PTPRT: variants seen among roughly 807,000 people sequenced by gnomAD.
PTPRT encodes the protein protein tyrosine phosphatase receptor type T.
A neutral mutation model predicts 176.8 loss-of-function variants in PTPRT; 56 were observed. The ratio of observed to expected loss-of-function variants is 0.32; its 90% CI spans 0.26 to 0.40. The LOEUF (loss-of-function observed/expected upper bound fraction) is 0.40, where lower values mean the gene tolerates loss of function less well. PTPRT is among the 10% of genes least tolerant of loss of function. The pLI, the probability that PTPRT is intolerant of heterozygous loss-of-function variation, is 1.00. For missense variants in PTPRT, 1,540 were observed against 1,908.2 expected (o/e 0.81, Z 3.60); for synonymous variants, 783 against 739.0 (o/e 1.06, Z -0.96).
intron 7 of PTPRT, among the ~76,000 whole-genome samples, chr20:42,527,299 A>G (rs1438193267): frequency 6.6e-6 from 1 of 151,884 alleles, no homozygotes; most frequent in Non-Finnish European, 1.5e-5. Flanking sequence ...TCCTTCCTTG[A>G]TTCTCCATGG....
At chr20:42,631,459 G>C (rs2074403660) in intron 7 of PTPRT, among the ~76,000 whole-genome samples, 1 of 152,130 alleles carries the variant, frequency 6.6e-6, no homozygotes. Context: ...GACTCTGAGA[G>C]TTTAGCATGT....
At chr20:42,261,813 C>G (rs958724990) in intron 13 of PTPRT, among the ~76,000 whole-genome samples, 14 of 152,184 alleles carry the variant, frequency 9.2e-5, no homozygotes, top group African/African-American at 3.4e-4. Flanking sequence ...TAAGGGGTGA[C>G]TGTATTACCT....
intron 16 of PTPRT, among the ~76,000 whole-genome samples, chr20:42,199,005 G>A (rs937241378): frequency 1.3e-5 from 2 of 152,108 alleles, no homozygotes; most frequent in Non-Finnish European, 2.9e-5. Flanking sequence ...AAGCAGTTAG[G>A]ATGACTTGCT....
Position 43,008,481 on chromosome 20 carries a change from A to T in PTPRT, c.89-122549T>A, listed in dbSNP as rs60595327. 2.9e-3 allele frequency among the ~76,000 whole-genome samples: 441 copies of T among 152,298 alleles called. 6 individuals carry two copies. The highest frequency in any genetic ancestry group is 0.01 in the African/African-American group (431 of 41,572). ...GGAGGGCCTTGCCTGACTTGTGATC[A>T]GGAGTTTGAGACGAGGCTGGCCATC... On this transcript the variant is annotated intron_variant, in intron 1 of 30. Transcript: ENST00000373187.
intron 7 of PTPRT, among the ~76,000 whole-genome samples, chr20:42,647,438 A>G (rs2074932214): frequency 6.6e-6 from 1 of 152,144 alleles, no homozygotes; most frequent in African/African-American, 2.4e-5. Context: ...TCAACAGCCC[A>G]GAGCTCCTCT....
At chr20:42,635,133 C>A (rs2074566360) in intron 7 of PTPRT, among the ~76,000 whole-genome samples, 2 of 152,084 alleles carry the variant, frequency 1.3e-5, no homozygotes, top group African/African-American at 4.8e-5. Context: ...GAAAGGCAAG[C>A]ATCCTCTTGG....
intron 7 of PTPRT, among the ~76,000 whole-genome samples, chr20:42,657,865 T>G (rs548377916): frequency 6.6e-6 from 1 of 152,204 alleles, no homozygotes; most frequent in Non-Finnish European, 1.5e-5. Context: ...ACCTCACCAG[T>G]TTCTTCATTA....
At chr20:42,577,266 T>TA (rs949798337) in intron 7 of PTPRT, among the ~76,000 whole-genome samples, 5 of 152,134 alleles carry the variant, frequency 3.3e-5, no homozygotes, top group African/African-American at 1.2e-4. Context: ...CAACTAGCAT[T>TA]AAAAAGATTC....
chr20:42,597,406 T>C (rs145085365), intron 7 of PTPRT, among the ~76,000 whole-genome samples: 10 of 152,316 alleles, frequency 6.6e-5, no homozygotes, highest in African/African-American at 2.2e-4. Flanking sequence ...TTTGGATCTG[T>C]GTCCCCGCCC....
intron 7 of PTPRT, among the ~76,000 whole-genome samples, chr20:42,521,555 T>G (rs1283325833): frequency 6.6e-6 from 1 of 152,196 alleles, no homozygotes; most frequent in Admixed American, 6.5e-5. Flanking sequence ...AATACTGTAC[T>G]TTTTTCCATA....
In PTPRT at chr20:42,488,007, T is replaced by C. The variant is rs376334370; in HGVS notation, c.1154-15445A>G. On this transcript the variant is annotated intron_variant, in intron 7 of 30. Transcript: ENST00000373187. ...TTTTAATTATGTAGATTGGAATGTGTTCTAGCTCGTTTACCTTTTTGTCAC... is the reference window on the plus strand; with the variant it reads ...TTTTAATTATGTAGATTGGAATGTGCTCTAGCTCGTTTACCTTTTTGTCAC... 9.2e-5 allele frequency among the ~76,000 whole-genome samples: 14 copies of C among 152,340 alleles called. No individual in the cohort carries two copies. In the East Asian group the frequency reaches 1.5e-3, roughly 17 times the overall value.
chr20:42,040,542 T>C, the PTPRT span, among the ~76,000 whole-genome samples: 2 of 152,138 alleles, frequency 1.3e-5, no homozygotes, highest in Non-Finnish European at 2.9e-5. Flanking sequence ...TCCCTCACCA[T>C]CCAGATAGGA....
At chr20:42,848,608 C>T (rs6030525) in intron 2 of PTPRT, among the ~76,000 whole-genome samples, 7,426 of 152,124 alleles carry the variant, frequency 0.049, 610 homozygotes, top group African/African-American at 0.17. Context: ...TGTTTGTTGG[C>T]CATTTGTATA....
chr20:42,951,823 C>T (rs900791940), intron 1 of PTPRT, among the ~76,000 whole-genome samples: 3 of 152,166 alleles, frequency 2.0e-5, no homozygotes, highest in African/African-American at 7.2e-5. Context: ...CAGCCACTTA[C>T]ACGCTGTGTA....
At chr20:42,086,967 TGA>T (rs2146129371) in intron 27 of PTPRT, among the ~76,000 whole-genome samples, 1 of 151,232 alleles carries the variant, frequency 6.6e-6, no homozygotes, top group Admixed American at 6.6e-5. Context: ...AACCTACAGC[TGA>T]GAGCAAAAGG....
intron 5 of PTPRT, among the ~76,000 whole-genome samples, chr20:42,757,076 A>AT (rs2076845272): frequency 6.9e-6 from 1 of 144,454 alleles, no homozygotes; most frequent in Non-Finnish European, 1.5e-5. Context: ...AAAAAAAAAA[A>AT]GGGCAGGAGT....
intron 6 of PTPRT, among the ~76,000 whole-genome samples, chr20:42,754,437 C>T (rs1011761056): frequency 1.3e-5 from 2 of 150,072 alleles, no homozygotes; most frequent in African/African-American, 5.0e-5. Context: ...TGCCACCACA[C>T]CCAGCTATTT....
chr20:42,319,065 G>A (rs893273121), intron 11 of PTPRT, among the ~76,000 whole-genome samples: 1 of 152,158 alleles, frequency 6.6e-6, no homozygotes, highest in Admixed American at 6.5e-5. Flanking sequence ...ATATCTCTGT[G>A]AGGGTCAGCC....
At chr20:43,032,418 G>T (rs1001084682) in intron 1 of PTPRT, among the ~76,000 whole-genome samples, 1 of 150,032 alleles carries the variant, frequency 6.7e-6, no homozygotes, top group East Asian at 2.0e-4. Flanking sequence ...AAAGAGCCTC[G>T]GTGATTATCT....
Sources: gnomAD v4.1 joint callset for allele counts (sites outside exome capture counted in the v4.1 genomes callset) on GRCh38, gnomAD v4.1.1 for gene constraint, MANE v1.5 for transcripts, NCBI Gene and HGNC (gene_info 2026-07-23, HGNC 2026-07-21) for gene names.